Variants in WDR36 observed in about 807,000 individuals in gnomAD.
WDR36 encodes WD repeat domain 36.
A neutral mutation model predicts 112.7 loss-of-function variants in WDR36; 63 were observed. The observed-to-expected ratio is 0.56, with a 90% CI of 0.46 to 0.69. WDR36 has a LOEUF of 0.69. WDR36 is among the 30% of genes least tolerant of loss of function. The pLI, the probability that WDR36 is intolerant of heterozygous loss-of-function variation, is 0.00. For synonymous variants in WDR36, 410 were observed against 362.2 expected (o/e 1.13, Z -1.50); for missense variants, 1,226 against 1,070.3 (o/e 1.15, Z -2.03).
intron 12 of WDR36, among the ~76,000 whole-genome samples, chr5:111,107,656 T>C (rs752005088): frequency 2.0e-5 from 3 of 151,438 alleles, no homozygotes; most frequent in Non-Finnish European, 3.0e-5. Flanking sequence ...TGAATTGACT[T>C]TTGTGTATGG....
At chr5:111,106,326 C>T (rs1442321155) in intron 11 of WDR36, among the ~76,000 whole-genome samples, 183 bp downstream of exon 11, 2 of 151,480 alleles carry the variant, frequency 1.3e-5, no homozygotes, top group Non-Finnish European at 3.0e-5. Context: ...ATGTGAACTT[C>T]TTATCTATTA....
rs746027433 is a variant in WDR36 at position 111,111,196 on chromosome 5, A to G, written c.1634A>G (p.Asp545Gly). The G allele has an allele frequency of 3.7e-6, 6 of 1,611,980 alleles. No individual in the cohort carries two copies. The South Asian group carries it at 6.6e-5, about 18-fold the overall frequency. The change falls in exon 15 of 23, where the codon GAC becomes GGC. Residue 545 changes from aspartate to glycine, a missense_variant. Asp to Gly is a moderately conservative substitution (Grantham distance 94). Transcript: ENST00000513710. ...GGCATTCTGGGACTCGCCTTGGATG[A>G]CTTCTCCATTAGTGTTCTGGACATA... ...DSGILGLALD[D>G]FSISVLDIET...
chr5:111,120,857 G>A (rs1360479758), intron 18 of WDR36, 139 bp from the exon 19 acceptor site: 3 of 830,652 alleles, frequency 3.6e-6, no homozygotes, highest in Non-Finnish European at 5.7e-6. Context: ...GAAAAGACAG[G>A]GATAAGTAAA....
In WDR36 at chr5:111,129,676, GT is replaced by G. The variant is rs1291655587; in HGVS notation, c.*2796del. On this transcript the variant is annotated 3_prime_UTR_variant, in exon 23 of 23. Transcript: ENST00000513710. ...TTGGCTTTAATTTTACATGGTGTCTGTTTAAATAAATGTTTTATATTTGTAT... is the reference window on the plus strand; with the variant it reads ...TTGGCTTTAATTTTACATGGTGTCTGTTAAATAAATGTTTTATATTTGTAT... 4.9e-6 allele frequency: 1 copy of G among 202,344 alleles called. No individual in the cohort carries two copies. Among genetic ancestry groups the G allele is most frequent in the African/African-American group, 2.3e-5 (1 of 43,558 alleles). The allele number at this position is 202,344 out of a possible 1,614,324, so 12.5% of individuals were successfully genotyped here. A position where few individuals can be genotyped will look rare whatever the true frequency, so the allele number is the denominator to read the frequency against.
intron 12 of WDR36, among the ~76,000 whole-genome samples, chr5:111,108,114 AT>A: frequency 6.6e-6 from 1 of 151,278 alleles, no homozygotes; most frequent in East Asian, 1.9e-4. Context: ...GTGTTTTTCC[AT>A]TTGTTTAGAT....
chr5:111,101,893 C>T (rs1753127466), intron 5 of WDR36, among the ~76,000 whole-genome samples: 1 of 151,648 alleles, frequency 6.6e-6, no homozygotes, highest in Non-Finnish European at 1.5e-5. Flanking sequence ...TCTGTTTGCT[C>T]CATGGATGTG....
At position 111,104,178 on chromosome 5, in the gene WDR36, T is replaced by A. The variant is rs367607702; in HGVS notation, c.732T>A (p.Asp244Glu). The change falls in exon 8 of 23, where the codon GAT becomes GAA. Residue 244 changes from aspartate (D) to glutamate (E), a missense_variant and splice_region_variant. Transcript: ENST00000513710. ...GPITSISFRT[D>E]GHPVMAAGSP... Reference sequence around the variant, plus strand: ...TAATGTATTTTATTTTAATAACAGATGGTCATCCAGTAATGGCAGCTGGAA... The same window carrying A: ...TAATGTATTTTATTTTAATAACAGAAGGTCATCCAGTAATGGCAGCTGGAA... The A allele has an allele frequency of 6.2e-7, 1 of 1,610,494 alleles. No individual in the cohort carries two copies. The highest frequency in any genetic ancestry group is 2.2e-5 in the East Asian group (1 of 44,782).
At chr5:111,099,441 GTTTTTTTTTGTTTTTTTTTTTGT>G (rs1365854472) in intron 4 of WDR36, among the ~76,000 whole-genome samples, 4 of 98,242 alleles carry the variant, frequency 4.1e-5, no homozygotes, top group Non-Finnish European at 8.2e-5. Flanking sequence ...TTGCCTCTTG[GTTTTTTTTTGTTTTTTTTTTTGT>G]TTTTTTTTTT....
chr5:111,104,660 A>T, intron 8 of WDR36, 37 bp from the exon 9 acceptor site: 1 of 1,610,464 alleles, frequency 6.2e-7, no homozygotes, highest in Middle Eastern at 1.7e-4. Flanking sequence ...ATCAGATGGA[A>T]CATTGTAGAA....
Position 111,126,872 on chromosome 5 carries a change from G to A in WDR36, c.2677G>A (p.Ala893Thr). 6.2e-7 allele frequency: 1 copy of A among 1,601,850 alleles called. No individual in the cohort carries two copies. The change falls in exon 23 of 23, where the codon GCT becomes ACT. Residue 893 changes from alanine (A) to threonine (T), a missense_variant. Coordinates refer to ENST00000513710, the MANE Select transcript of WDR36 (RefSeq NM_139281.3). ...SMCILNYLKS[A>T]LL is the part of the protein sequence containing the mutation. Reference sequence around the variant, plus strand: ...GTGTATTTTAAATTATCTCAAAAGTGCTTTGTTGTAAAAATAAATTTGTGA... The same window carrying A: ...GTGTATTTTAAATTATCTCAAAAGTACTTTGTTGTAAAAATAAATTTGTGA...
At chr5:111,095,333 G>T in intron 2 of WDR36, 1 of 192,738 alleles carries the variant, frequency 5.2e-6, no homozygotes, top group Non-Finnish European at 1.1e-5. Flanking sequence ...GCTGTTAGTT[G>T]GTTCTGTTCC....
At chr5:111,113,473 A>C (rs535161891) in intron 16 of WDR36, among the ~76,000 whole-genome samples, 1 of 152,216 alleles carries the variant, frequency 6.6e-6, no homozygotes, top group African/African-American at 2.4e-5. Flanking sequence ...GCTCAGACTT[A>C]AGGATGGCAA....
At position 111,100,706 on chromosome 5, in the gene WDR36, G is replaced by A; in HGVS notation, c.527G>A (p.Trp176Ter). 1.2e-6 allele frequency: 2 copies of A among 1,608,458 alleles called. No individual in the cohort carries two copies. The highest frequency in any genetic ancestry group is 1.1e-5 in the South Asian group (1 of 90,462). The change falls in exon 5 of 23, where the codon TGG becomes TAG. Residue 176 changes from tryptophan to a stop codon, truncating the protein, a stop_gained. Coordinates refer to ENST00000513710, the MANE Select transcript of WDR36 (RefSeq NM_139281.3). LOFTEE classifies it high-confidence loss of function. ...AGTGAACAAGGAAGCCTGCAGTTGT[G>A]GAATGTAAAATCCAAGTAAGTATTT... ...LGSEQGSLQL[W>*]NVKSNKLLYT... is the part of the protein sequence containing the mutation.
chr5:111,113,275 T>C, intron 16 of WDR36, 122 bp downstream of exon 16: 1 of 507,326 alleles, frequency 2.0e-6, no homozygotes, highest in Non-Finnish European at 3.7e-6. Context: ...TTTGGAGATT[T>C]TTCTGACATG....
At chr5:111,112,821 C>A (rs1753369199) in intron 15 of WDR36, among the ~76,000 whole-genome samples, 1 of 151,264 alleles carries the variant, frequency 6.6e-6, no homozygotes, top group South Asian at 2.1e-4. Context: ...TTTAATAATT[C>A]ATTTAAAAGT....
At position 111,111,219 on chromosome 5, in the gene WDR36, A is replaced by G. The variant is rs150671978; in HGVS notation, c.1657A>G (p.Ile553Val). The stretch of plus-strand genomic sequence containing the variant: ...TGACTTCTCCATTAGTGTTCTGGAC[A>G]TAGAAACTAGGAAGATTGTCAGAGA... ...LDDFSISVLDIETRKIVREFS... is the reference protein window; with the variant it reads ...LDDFSISVLDVETRKIVREFS... Residue 553 changes from isoleucine (I) to valine (V), a missense_variant, in exon 15 of 23, where the codon ATA becomes GTA. Physicochemically the swap from Ile to Val is conservative, Grantham distance 29. Transcript: ENST00000513710. The G allele has an allele frequency of 3.1e-6, 5 of 1,611,930 alleles. No homozygotes were observed. The highest frequency in any genetic ancestry group is 3.4e-6 in the Non-Finnish European group (4 of 1,178,310).
chr5:111,094,865 G>T, intron 1 of WDR36, 55 bp from the exon 2 acceptor site: 1 of 1,404,160 alleles, frequency 7.1e-7, no homozygotes, highest in Non-Finnish European at 1.0e-6. Context: ...CAGGTGTTAG[G>T]TTATTATGAT....
chr5:111,118,951 T>C, intron 16 of WDR36, 62 bp from the exon 17 acceptor site: 1 of 1,382,434 alleles, frequency 7.2e-7, no homozygotes, highest in Non-Finnish European at 1.0e-6. Context: ...AAAAATATTT[T>C]TGTGAATTAT....
chr5:111,117,189 C>T (rs1255305648), intron 16 of WDR36, among the ~76,000 whole-genome samples: 1 of 152,182 alleles, frequency 6.6e-6, no homozygotes, highest in Non-Finnish European at 1.5e-5. Flanking sequence ...CAGGTTATTG[C>T]TCCCTTCCCC....
Sources: allele counts gnomAD v4.1 joint callset (sites outside exome capture counted in the v4.1 genomes callset), GRCh38; gene constraint gnomAD v4.1.1; transcripts MANE v1.5; gene names NCBI Gene and HGNC (gene_info 2026-07-23, HGNC 2026-07-21).